ACTG2: variants seen among roughly 807,000 people sequenced by gnomAD.
ACTG2 encodes actin, gamma-enteric smooth muscle.
ACTG2 carries 16 observed loss-of-function variants against 37.6 expected under a neutral mutation model. The observed-to-expected ratio is 0.43, with a 90% CI of 0.29 to 0.65. ACTG2 has a LOEUF of 0.65. Among genes scored for constraint, ACTG2 ranks in the 30% least tolerant of loss-of-function variants. The pLI, the probability that ACTG2 is intolerant of heterozygous loss-of-function variation, is 0.18. For missense variants in ACTG2, 238 were observed against 490.9 expected (o/e 0.48, Z 4.87); for synonymous variants, 181 against 179.9 (o/e 1.01, Z -0.05).
chr2:73,903,960 C>T (rs11309898), intron 3 of ACTG2, among the ~76,000 whole-genome samples: 1 of 59,368 alleles, frequency 1.7e-5, no homozygotes, highest in Admixed American at 2.5e-4. Context: ...AAAAAAAAAA[C>T]AAAAAAAAAA....
intron 3 of ACTG2, 161 bp downstream of exon 3, chr2:73,902,649 G>A (rs922950568): frequency 6.4e-7 from 1 of 1,551,854 alleles, no homozygotes; most frequent in African/African-American, 1.4e-5. Context: ...TCCAACCTAG[G>A]CTGCCAACAT....
At chr2:73,896,842 C>T (rs1040316959) in intron 1 of ACTG2, 6 of 152,210 alleles carry the variant, frequency 3.9e-5, no homozygotes, top group Admixed American at 3.9e-4. Flanking sequence ...CTCTCTGCTC[C>T]CTGCCAAGCA....
At chr2:73,906,485 T>TAAATACATA (rs1309531649) in intron 3 of ACTG2, among the ~76,000 whole-genome samples, 23 of 151,350 alleles carry the variant, frequency 1.5e-4, no homozygotes, top group Non-Finnish European at 2.8e-4. Flanking sequence ...AATAAATAAA[T>TAAATACATA]ACATAAAAAT....
At chr2:73,898,891 C>T (rs928037159) in intron 1 of ACTG2, among the ~76,000 whole-genome samples, 4 of 150,858 alleles carry the variant, frequency 2.7e-5, no homozygotes, top group Non-Finnish European at 4.4e-5. Context: ...CAAGCTCCGC[C>T]TCCCGGGTTC....
At chr2:73,915,519 C>A (rs1265988646) in intron 7 of ACTG2, among the ~76,000 whole-genome samples, 442 of 117,390 alleles carry the variant, frequency 3.8e-3, no homozygotes, top group Non-Finnish European at 3.5e-3. Context: ...GATTCTGTCT[C>A]AAAAAAAAAA....
In ACTG2 at chr2:73,906,179, C is replaced by T. The variant is rs182683933; in HGVS notation, c.256-2494C>T. On this transcript the variant is annotated intron_variant, in intron 3 of 8. Coordinates refer to ENST00000345517, the MANE Select transcript of ACTG2 (RefSeq NM_001615.4). ...CATTAAAAAAAATTTTGGCCGGGCG[C>T]GGTGGCTCACGCCTGTAATCCCAGC... is the stretch of plus-strand genomic sequence containing the variant. Among the ~76,000 whole-genome samples the T allele has an allele frequency of 1.7e-3, 265 of 151,996 alleles. 2 individuals are homozygous for T. Among genetic ancestry groups the T allele is most frequent in the African/African-American group, 5.8e-3 (239 of 41,510 alleles).
At chr2:73,903,426 A>C (rs1435020834) in intron 3 of ACTG2, among the ~76,000 whole-genome samples, 3 of 152,238 alleles carry the variant, frequency 2.0e-5, no homozygotes, top group African/African-American at 7.2e-5. Flanking sequence ...AGTGGGTAAG[A>C]GCACAGACAT....
At chr2:73,903,802 T>C (rs1679942401) in intron 3 of ACTG2, among the ~76,000 whole-genome samples, 1 of 151,772 alleles carries the variant, frequency 6.6e-6, no homozygotes, top group African/African-American at 2.4e-5. Flanking sequence ...TAGCTGGACA[T>C]GGTGGCGGGT....
At chr2:73,909,821 T>TAC (rs1680091793) in intron 5 of ACTG2, among the ~76,000 whole-genome samples, 1 of 151,948 alleles carries the variant, frequency 6.6e-6, no homozygotes, top group Non-Finnish European at 1.5e-5. Flanking sequence ...TCTGGGTGGG[T>TAC]TAGTGAGTGA....
intron 2 of ACTG2, 121 bp downstream of exon 2, chr2:73,901,558 G>GTA: frequency 1.8e-5 from 2 of 111,288 alleles, no homozygotes. Flanking sequence ...GTGTGTGTGT[G>GTA]TGTGTGTGTG....
chr2:73,908,907 C>A, intron 4 of ACTG2, 124 bp downstream of exon 4: 2 of 1,195,958 alleles, frequency 1.7e-6, no homozygotes, highest in Non-Finnish European at 2.4e-6. Context: ...GTCTGTGGTC[C>A]ATGCCAGGCC....
At chr2:73,896,292 G>A (rs1277909668) in intron 1 of ACTG2, among the ~76,000 whole-genome samples, 2 of 150,402 alleles carry the variant, frequency 1.3e-5, no homozygotes, top group East Asian at 1.9e-4. Flanking sequence ...CCTGCAGTGA[G>A]CTTGATGGTG....
chr2:73,895,923 G>A (rs1310894454), intron 1 of ACTG2, among the ~76,000 whole-genome samples: 3 of 152,228 alleles, frequency 2.0e-5, no homozygotes, highest in Admixed American at 2.0e-4. Flanking sequence ...TAGATAATAT[G>A]TAAGTGAATG....
chr2:73,904,763 G>T (rs1247213098), intron 3 of ACTG2, among the ~76,000 whole-genome samples: 1 of 58,362 alleles, frequency 1.7e-5, no homozygotes, highest in Non-Finnish European at 3.1e-5. Flanking sequence ...GTGTGTGTGT[G>T]TGTGTGTGTG....
chr2:73,899,082 T>C (rs1558621339), intron 1 of ACTG2, among the ~76,000 whole-genome samples: 1 of 152,128 alleles, frequency 6.6e-6, no homozygotes, highest in Non-Finnish European at 1.5e-5. Context: ...AGTGCTGGGA[T>C]TACAGGCGTG....
chr2:73,907,051 C>T (rs1680031944), intron 3 of ACTG2, among the ~76,000 whole-genome samples: 1 of 152,220 alleles, frequency 6.6e-6, no homozygotes, highest in Non-Finnish European at 1.5e-5. Context: ...GCCATTCCCT[C>T]TGCCTCGGAT....
rs139965094 is a variant in ACTG2, at chr2:73,914,489, G to A, written c.614-191G>A. ...CAGGAGAATTGCTTGAACTCAGGAGGTAGAGGTTGCAGTGAGCCAAGATAG... is the reference window on the plus strand; with the variant it reads ...CAGGAGAATTGCTTGAACTCAGGAGATAGAGGTTGCAGTGAGCCAAGATAG... On this transcript the variant is annotated intron_variant, in intron 6 of 8. Transcript: ENST00000345517. 1.5e-3 allele frequency among the ~76,000 whole-genome samples: 230 copies of A among 151,020 alleles called. 11 individuals carry two copies. In the East Asian group the frequency reaches 0.04, roughly 26 times the overall value.
At chr2:73,918,800 G>C (rs531662118) in intron 8 of ACTG2, among the ~76,000 whole-genome samples, 40 of 152,322 alleles carry the variant, frequency 2.6e-4, no homozygotes, top group African/African-American at 8.9e-4. Context: ...CTCAGGCATG[G>C]AGGAAGCCCA....
intron 1 of ACTG2, among the ~76,000 whole-genome samples, chr2:73,896,087 A>T (rs1442662860): frequency 1.3e-5 from 2 of 152,216 alleles, no homozygotes; most frequent in Non-Finnish European, 2.9e-5. Context: ...TAATCCCAAC[A>T]CTTTGGGATG....
Sources: gnomAD v4.1 joint callset for allele counts (sites outside exome capture counted in the v4.1 genomes callset) on GRCh38, gnomAD v4.1.1 for gene constraint, MANE v1.5 for transcripts, NCBI Gene and HGNC (gene_info 2026-07-23, HGNC 2026-07-21) for gene names.